Variants in BBC3 observed in about 807,000 individuals in gnomAD.
BBC3 encodes BCL2 binding component 3, also known as bcl-2-binding component 3.
In BBC3, 5 loss-of-function variants were observed where a neutral mutation model predicts 18.2. The ratio of observed to expected loss-of-function variants is 0.27; its 90% CI spans 0.14 to 0.58. BBC3 has a LOEUF of 0.58. BBC3 is among the 20% of genes least tolerant of loss of function. BBC3 has a pLI of 0.91. For synonymous variants in BBC3, 119 were observed against 128.0 expected (o/e 0.93, Z 0.47); for missense variants, 224 against 268.9 (o/e 0.83, Z 1.17).
At chr19:47,226,463 C>A in intron 3 of BBC3, 101 bp downstream of exon 3, 1 of 1,068,938 alleles carries the variant, frequency 9.4e-7, no homozygotes, top group African/African-American at 1.7e-5. Context: ...AGCGACCCAG[C>A]CGCGCAGGGC....
intron 2 of BBC3, 40 bp from the exon 3 acceptor site, chr19:47,226,794 C>G (rs2058831387): frequency 1.5e-6 from 2 of 1,361,780 alleles, no homozygotes; most frequent in Non-Finnish European, 1.9e-6. Context: ...CCCACCACCC[C>G]TCCAGGCCTC....
Position 47,226,557 on chromosome 19 carries a change from C to T in BBC3, c.465+7G>A, listed in dbSNP as rs1033459989. The T allele has an allele frequency of 1.9e-6, 3 of 1,547,530 alleles. No homozygotes were observed. Among genetic ancestry groups the T allele is most frequent in the Admixed American group, 1.9e-5 (1 of 52,918 alleles). On this transcript the variant is annotated splice_region_variant and intron_variant, in intron 3 of 3. Transcript: ENST00000439096. The stretch of plus-strand genomic sequence containing the variant: ...CACCTGCCGTCTACCCCACCCCCAG[C>T]ACTCACCCGCCGCTCGTACTGTGCG...
chr19:47,226,791 C>T (rs2058831322), intron 2 of BBC3, 37 bp from the exon 3 acceptor site: 7 of 1,362,446 alleles, frequency 5.1e-6, no homozygotes, highest in Non-Finnish European at 6.6e-6. Context: ...GCACCCACCA[C>T]CCCTCCAGGC....
chr19:47,226,782 C>T, intron 2 of BBC3, 28 bp from the exon 3 acceptor site: 4 of 1,373,444 alleles, frequency 2.9e-6, no homozygotes, highest in Non-Finnish European at 3.8e-6. Context: ...GCGCGGTCAG[C>T]ACCCACCACC....
chr19:47,228,508 G>A lies in BBC3; in HGVS notation c.-15-62C>T. The A allele has an allele frequency of 8.2e-7, 1 of 1,220,630 alleles. No individual in the cohort carries two copies. The highest frequency in any genetic ancestry group is 1.0e-6 in the Non-Finnish European group (1 of 978,518). 75.6% of individuals were successfully genotyped at this position (1,220,630 alleles called of 1,614,324 possible). Reference sequence around the variant, plus strand: ...AGTACCAGGGCCCACTGTACCTCCAGCCTACCCGGGGTTAGGACCCAGATG... The same window carrying A: ...AGTACCAGGGCCCACTGTACCTCCAACCTACCCGGGGTTAGGACCCAGATG... On this transcript the variant is annotated intron_variant, in intron 1 of 3. Coordinates refer to ENST00000439096, the MANE Select transcript of BBC3 (RefSeq NM_014417.5). The surrounding 1 kb of genome is among the most constrained non-coding windows in gnomAD (Gnocchi z 5.5).
upstream of BBC3, chr19:47,231,279 C>A (rs1334978795): frequency 3.6e-6 from 3 of 838,776 alleles, no homozygotes; most frequent in Admixed American, 6.3e-5. The surrounding 1 kb of genome is among the most constrained non-coding windows in gnomAD (Gnocchi z 4.0). Context: ...GGGTCCCACG[C>A]CCCGCCCCCG....
At chr19:47,221,971 G>C (rs376693948) in intron 3 of BBC3, 53 bp from the exon 4 acceptor site, 116 of 1,485,746 alleles carry the variant, frequency 7.8e-5, no homozygotes, top group Non-Finnish European at 1.0e-4. Context: ...TATGGTGATG[G>C]GAGTGGGGAT....
At position 47,228,655 on chromosome 19, in the gene BBC3, G is replaced by A. The variant is rs2058870879; in HGVS notation, c.-15-209C>T. On this transcript the variant is annotated intron_variant, in intron 1 of 3. Transcript: ENST00000439096. The surrounding 1 kb of genome is among the most constrained non-coding windows in gnomAD (Gnocchi z 5.5). Reference sequence around the variant, plus strand: ...GAGAGCCTCCCGTGCATACGGTGATGGGCACACAGGAGGGACAGGGGGCAC... The same window carrying A: ...GAGAGCCTCCCGTGCATACGGTGATAGGCACACAGGAGGGACAGGGGGCAC... Among the ~76,000 whole-genome samples the A allele has an allele frequency of 6.6e-6, 1 of 152,048 alleles. No individual in the cohort carries two copies. Among genetic ancestry groups the A allele is most frequent in the African/African-American group, 2.4e-5 (1 of 41,388 alleles).
At position 47,231,149 on chromosome 19, in the gene BBC3, C is replaced by T. The variant is rs997145426; in HGVS notation, c.-236G>A. 22 of 963,404 alleles carry T rather than the reference C, an allele frequency of 2.3e-5. No individual in the cohort carries two copies. The South Asian group carries it at 3.7e-4, about 16-fold the overall frequency. 59.7% of individuals were successfully genotyped at this position (963,404 alleles called of 1,614,324 possible). A position where few individuals can be genotyped will look rare whatever the true frequency, so the allele number is the denominator to read the frequency against. ...TGGCCGCTGCTGGGATCGCTGGTGC[C>T]GCCGCCGCCGCCGCCAGGCGCCCGC... On this transcript the variant is annotated 5_prime_UTR_variant, in exon 1 of 4. Coordinates refer to ENST00000439096, the MANE Select transcript of BBC3 (RefSeq NM_014417.5). This position sits in a 1 kb window ranked among gnomAD's most constrained non-coding sequence, Gnocchi z 4.0.
rs1030972880 is a variant in BBC3, at chr19:47,226,726, C to T, written c.303G>A (p.Glu101=). The T allele has an allele frequency of 7.0e-7, 1 of 1,419,290 alleles. No homozygotes were observed. Among genetic ancestry groups the T allele is most frequent in the Non-Finnish European group, 9.2e-7 (1 of 1,091,068 alleles). 87.9% of individuals were successfully genotyped at this position (1,419,290 alleles called of 1,614,324 possible). A position where few individuals can be genotyped will look rare whatever the true frequency, so the allele number is the denominator to read the frequency against. ...TGGGCACGGGCGACTCCAGGTGCTG[C>T]TCCGCCAGCGAGAGCGAGGGCTGAG... ...DGPQPSLSLA[E]QHLESPVPSA... Residue 101 remains glutamate (E), a synonymous_variant, in exon 3 of 4, where the codon GAG becomes GAA. Transcript: ENST00000439096.
upstream of BBC3, chr19:47,232,759 A>G (rs1314668215): frequency 3.3e-6 from 2 of 603,626 alleles, no homozygotes; most frequent in Non-Finnish European, 5.6e-6. Flanking sequence ...CCCAATCGCA[A>G]TCGCCTCACC....
intron 3 of BBC3, among the ~76,000 whole-genome samples, chr19:47,224,880 T>C (rs369803701): frequency 5.3e-5 from 8 of 151,498 alleles, no homozygotes; most frequent in African/African-American, 1.9e-4. Flanking sequence ...CTGGGATTAC[T>C]GGCGTGTGCC....
intron 3 of BBC3, among the ~76,000 whole-genome samples, chr19:47,224,785 CA>C (rs1413235847): frequency 2.0e-5 from 3 of 147,140 alleles, no homozygotes; most frequent in Non-Finnish European, 4.5e-5. Flanking sequence ...GGCTGGAGTG[CA>C]GTGGCATGAT....
upstream of BBC3, chr19:47,232,372 A>G (rs1169071934): frequency 1.5e-6 from 1 of 658,140 alleles, no homozygotes; most frequent in Non-Finnish European, 2.5e-6. Context: ...TAAAGGAAAG[A>G]AACTGACATT....
chr19:47,227,327 C>T (rs117081771), intron 2 of BBC3: 3 of 97,800 alleles, frequency 3.1e-5, no homozygotes, highest in Admixed American at 9.4e-5. Flanking sequence ...CCCCCCCCCC[C>T]ACTTCTGAGC....
At chr19:47,225,004 C>T (rs1242955708) in intron 3 of BBC3, among the ~76,000 whole-genome samples, 1 of 152,016 alleles carries the variant, frequency 6.6e-6, no homozygotes, top group Non-Finnish European at 1.5e-5. Context: ...CTCTGCCTCC[C>T]GGTTTCAAGC....
In BBC3 at chr19:47,220,992, AT is replaced by A. The variant is rs1011337938; in HGVS notation, c.*809del. ...CTCCCAGACTCCTCCCTCTTCCGAG[AT>A]TTCCCCCCCTCCCTGACTCCCCGTC... On this transcript the variant is annotated 3_prime_UTR_variant, in exon 4 of 4. Transcript: ENST00000439096. 3.3e-5 allele frequency: 5 copies of A among 151,408 alleles called. No individual in the cohort carries two copies. Among genetic ancestry groups the A allele is most frequent in the African/African-American group, 9.7e-5 (4 of 41,086 alleles). The allele number at this position is 151,408 out of a possible 1,614,324, so 9.4% of individuals were successfully genotyped here. A position where few individuals can be genotyped will look rare whatever the true frequency, so the allele number is the denominator to read the frequency against.
upstream of BBC3, chr19:47,232,488 G>C (rs117378997): frequency 1.3e-6 from 2 of 1,535,860 alleles, no homozygotes; most frequent in Non-Finnish European, 1.8e-6. Flanking sequence ...CACACACGTC[G>C]GAGCATGCAC....
chr19:47,229,614 C>A (rs1286902343), intron 1 of BBC3, among the ~76,000 whole-genome samples: 4 of 151,528 alleles, frequency 2.6e-5, no homozygotes, highest in African/African-American at 7.3e-5. Flanking sequence ...CACACATGAG[C>A]CAGCCGATCA....
Sources: allele counts gnomAD v4.1 joint callset (sites outside exome capture counted in the v4.1 genomes callset), GRCh38; gene constraint gnomAD v4.1.1; non-coding constraint Gnocchi (gnomAD v3.1); transcripts MANE v1.5; gene names NCBI Gene and HGNC (gene_info 2026-07-23, HGNC 2026-07-21).